SEM1: variants seen among roughly 807,000 people sequenced by gnomAD.
The protein encoded by SEM1 is 26S proteasome complex subunit SEM1.
A neutral mutation model predicts 12.7 loss-of-function variants in SEM1; 3 were observed. The observed-to-expected ratio is 0.24, with a 90% CI of 0.11 to 0.61. SEM1 has a LOEUF of 0.61. SEM1 is among the 20% of genes least tolerant of loss of function. SEM1 has a pLI of 0.88. For missense variants in SEM1, 59 were observed against 81.3 expected, an observed-to-expected ratio of 0.73 and a Z score of 1.06; for synonymous variants, 30 against 27.8, an observed-to-expected ratio of 1.08 and a Z score of -0.25.
In SEM1 at chr7:96,666,665, T is replaced by G. The variant is rs1228500090; in HGVS notation, c.170+28133A>C. 2.1e-5 allele frequency among the ~76,000 whole-genome samples: 3 copies of G among 144,384 alleles called. No homozygotes were observed. The East Asian group carries it at 6.2e-4, about 30-fold the overall frequency. The allele number at this position is 144,384 out of a possible 152,430, so 94.7% of individuals were successfully genotyped here. On this transcript the variant is annotated intron_variant, in intron 2 of 2. Transcript: ENST00000417009. ...TTTTTTTTTTTTTTTGCCTCAACCA[T>G]AAAGATGTACAGCTCAATCTCTGTG...
chr7:96,500,283 C>T (rs1803473898), upstream of SEM1, among the ~76,000 whole-genome samples: 1 of 151,508 alleles, frequency 6.6e-6, no homozygotes, highest in African/African-American at 2.4e-5. Context: ...TCTTGGTGGC[C>T]GCATCGAAGG....
chr7:96,687,748 C>T (rs190046320), downstream of SEM1, among the ~76,000 whole-genome samples: 2,690 of 151,774 alleles, frequency 0.018, 72 homozygotes, highest in African/African-American at 0.061. Flanking sequence ...CTAACCTGCA[C>T]ATTGTGCACA....
chr7:96,617,691 T>C (rs1807763621), downstream of SEM1, among the ~76,000 whole-genome samples: 1 of 152,178 alleles, frequency 6.6e-6, no homozygotes, highest in South Asian at 2.1e-4. Context: ...ATATGGCCTT[T>C]ATTATGTTGA....
chr7:96,615,643 T>A (rs900247959), intron 2 of SEM1, among the ~76,000 whole-genome samples: 1 of 152,230 alleles, frequency 6.6e-6, no homozygotes, highest in Non-Finnish European at 1.5e-5. Flanking sequence ...ATATCTTAAA[T>A]GTGTATATTG....
chr7:96,542,385 T>C (rs1292041958), intron 2 of SEM1, among the ~76,000 whole-genome samples: 2 of 151,894 alleles, frequency 1.3e-5, no homozygotes, highest in African/African-American at 4.8e-5. Context: ...GTATTCTTGA[T>C]TTGAGTCTTG....
At chr7:96,683,578 A>C (rs1175480257) in intron 2 of SEM1, among the ~76,000 whole-genome samples, 1 of 152,222 alleles carries the variant, frequency 6.6e-6, no homozygotes, top group Non-Finnish European at 1.5e-5. Context: ...AGCCACATGC[A>C]CACGTATGTT....
At chr7:96,509,271 G>A (rs1442651238) in intron 2 of SEM1, among the ~76,000 whole-genome samples, 3 of 150,850 alleles carry the variant, frequency 2.0e-5, no homozygotes, top group African/African-American at 7.3e-5. Flanking sequence ...CTCTCAAAGT[G>A]CTGGGATTAC....
intron 2 of SEM1, among the ~76,000 whole-genome samples, chr7:96,542,600 A>G (rs1199253596): frequency 6.6e-6 from 1 of 151,924 alleles, no homozygotes; most frequent in African/African-American, 2.4e-5. Flanking sequence ...AAAATAAAAA[A>G]TGATATAATT....
chr7:96,623,248 C>CT (rs1807951231), intron 2 of SEM1: 1 of 152,146 alleles, frequency 6.6e-6, no homozygotes, highest in Non-Finnish European at 1.5e-5. Context: ...CAGGCTGGAA[C>CT]TTTAACATTG....
intron 2 of SEM1, among the ~76,000 whole-genome samples, chr7:96,580,583 C>T (rs1178939582): frequency 6.6e-6 from 1 of 151,972 alleles, no homozygotes; most frequent in Non-Finnish European, 1.5e-5. Context: ...TACAGTCCCA[C>T]CAACAGTGTA....
chr7:96,501,300 C>T (rs1803529891), upstream of SEM1, among the ~76,000 whole-genome samples: 1 of 152,110 alleles, frequency 6.6e-6, no homozygotes. Flanking sequence ...ATGGTCAAGG[C>T]AGGTTTTAAA....
At chr7:96,670,963 CTT>C (rs1563105954), downstream of SEM1, among the ~76,000 whole-genome samples, 1 of 152,180 alleles carries the variant, frequency 6.6e-6, no homozygotes, top group Non-Finnish European at 1.5e-5. Flanking sequence ...GATATATCCT[CTT>C]TGTTGATTCC....
chr7:96,670,003 C>A (rs1405753675), downstream of SEM1, among the ~76,000 whole-genome samples: 3 of 152,086 alleles, frequency 2.0e-5, no homozygotes, highest in African/African-American at 7.2e-5. Flanking sequence ...AAGTAACATG[C>A]CTGAGGCAAC....
chr7:96,636,653 G>C (rs937145194), intron 2 of SEM1, among the ~76,000 whole-genome samples: 2 of 152,068 alleles, frequency 1.3e-5, no homozygotes, highest in African/African-American at 4.8e-5. Flanking sequence ...GCTGTTCACA[G>C]CCCTGAATTC....
At chr7:96,568,303 A>C (rs763174672) in intron 2 of SEM1, among the ~76,000 whole-genome samples, 1 of 151,842 alleles carries the variant, frequency 6.6e-6, no homozygotes, top group African/African-American at 2.4e-5. Flanking sequence ...AAATATCTGC[A>C]CTAAGGTTCT....
At chr7:96,585,606 A>G (rs1332103864) in intron 2 of SEM1, among the ~76,000 whole-genome samples, 2 of 152,232 alleles carry the variant, frequency 1.3e-5, no homozygotes, top group African/African-American at 4.8e-5. Flanking sequence ...CTGCTGTGCT[A>G]GCAATCAGCG....
chr7:96,553,197 A>C (rs1331735317), intron 2 of SEM1, among the ~76,000 whole-genome samples: 5 of 149,886 alleles, frequency 3.3e-5, no homozygotes, highest in Non-Finnish European at 6.0e-5. Flanking sequence ...TCTTTAGTTT[A>C]ATTAGATCCC....
chr7:96,673,846 G>A (rs750689069), exon 3 of SEM1: 1 of 765,156 alleles, frequency 1.3e-6, no homozygotes, highest in Non-Finnish European at 2.4e-6. Context: ...AATATCATCA[G>A]GAGTACAGTT....
intron 2 of SEM1, among the ~76,000 whole-genome samples, chr7:96,605,024 A>T (rs1234215038): frequency 6.6e-6 from 1 of 152,174 alleles, no homozygotes. Flanking sequence ...CAATTTACTC[A>T]ACCTCCCCAT....
Sources: gnomAD v4.1 joint callset for allele counts (sites outside exome capture counted in the v4.1 genomes callset) on GRCh38, gnomAD v4.1.1 for gene constraint, MANE v1.5 for transcripts, NCBI Gene and HGNC (gene_info 2026-07-23, HGNC 2026-07-21) for gene names.